The following CAMK2D variants were observed in gnomAD, a reference collection of about 807,000 sequenced individuals.
CAMK2D encodes calcium/calmodulin dependent protein kinase II delta.
A neutral mutation model predicts 84.0 loss-of-function variants in CAMK2D; 37 were observed. The ratio of observed to expected loss-of-function variants is 0.44; its 90% CI spans 0.34 to 0.58. The LOEUF is 0.58. CAMK2D is among the 20% of genes least tolerant of loss of function. CAMK2D has a pLI of 0.02. For missense variants in CAMK2D, 448 were observed against 652.5 expected, an observed-to-expected ratio of 0.69 and a Z score of 3.41; for synonymous variants, 202 against 212.5, an observed-to-expected ratio of 0.95 and a Z score of 0.43.
At chr4:113,588,457 A>G (rs187806362) in intron 4 of CAMK2D, among the ~76,000 whole-genome samples, 1 of 152,278 alleles carries the variant, frequency 6.6e-6, no homozygotes, top group Non-Finnish European at 1.5e-5. Flanking sequence ...TTCATTTCTT[A>G]AAACGTATCA....
In CAMK2D at chr4:113,533,903, TA is replaced by T. The variant is rs147698797; in HGVS notation, c.518-2605del. 1.2e-4 allele frequency among the ~76,000 whole-genome samples: 18 copies of T among 147,752 alleles called. No homozygotes were observed. In the East Asian group the frequency reaches 1.4e-3, roughly 11 times the overall value. The stretch of plus-strand genomic sequence containing the variant: ...AAGTTGGGACTTGAAAAATGATAAT[TA>T]AAAAAAAAACAATAAACAGCTTCCA... On this transcript the variant is annotated intron_variant, in intron 7 of 20. Coordinates refer to ENST00000511664, the MANE Select transcript of CAMK2D (RefSeq NM_001321571.2).
At chr4:113,500,948 C>T (rs1402615114) in intron 15 of CAMK2D, among the ~76,000 whole-genome samples, 1 of 151,970 alleles carries the variant, frequency 6.6e-6, no homozygotes, top group Non-Finnish European at 1.5e-5. Flanking sequence ...ACCTTCTTTG[C>T]GTCAGGCACT....
chr4:113,548,048 C>T (rs2098596222), intron 5 of CAMK2D, among the ~76,000 whole-genome samples: 1 of 152,040 alleles, frequency 6.6e-6, no homozygotes, highest in Non-Finnish European at 1.5e-5. Context: ...TGTGGTGTTC[C>T]GCCTCCACCC....
At chr4:113,504,952 G>A (rs931484708) in intron 14 of CAMK2D, 24 bp downstream of exon 14, 1 of 1,408,104 alleles carries the variant, frequency 7.1e-7, no homozygotes, top group Non-Finnish European at 9.4e-7. Context: ...AACTTAAGAA[G>A]GGTTACAAAG....
At chr4:113,701,497 A>C (rs2099417332) in intron 2 of CAMK2D, among the ~76,000 whole-genome samples, 1 of 152,182 alleles carries the variant, frequency 6.6e-6, no homozygotes, top group South Asian at 2.1e-4. Flanking sequence ...AGGCCAAAGC[A>C]CTGGTCCAAG....
At chr4:113,737,320 T>C (rs1593880522) in intron 2 of CAMK2D, among the ~76,000 whole-genome samples, 2 of 152,040 alleles carry the variant, frequency 1.3e-5, no homozygotes, top group East Asian at 1.9e-4. Flanking sequence ...TAAAAAGAAA[T>C]AAAATTCTGA....
At chr4:113,485,173 A>T (rs1319652776) in intron 16 of CAMK2D, among the ~76,000 whole-genome samples, 1 of 152,186 alleles carries the variant, frequency 6.6e-6, no homozygotes, top group Non-Finnish European at 1.5e-5. Context: ...TAATCAGGAT[A>T]ATGTAAGGTA....
intron 8 of CAMK2D, among the ~76,000 whole-genome samples, chr4:113,528,188 A>G (rs2154180244): frequency 6.6e-6 from 1 of 152,330 alleles, no homozygotes; most frequent in South Asian, 2.1e-4. Flanking sequence ...TATAATGCAT[A>G]TATCAGTTAT....
At chr4:113,520,696 C>A (rs1043003531) in intron 8 of CAMK2D, among the ~76,000 whole-genome samples, 1 of 152,020 alleles carries the variant, frequency 6.6e-6, no homozygotes, top group African/African-American at 2.4e-5. Flanking sequence ...CACTAGCAGC[C>A]TTTTATGATT....
intron 2 of CAMK2D, among the ~76,000 whole-genome samples, chr4:113,758,011 A>C (rs530902793): frequency 1.3e-5 from 2 of 152,300 alleles, no homozygotes; most frequent in South Asian, 4.1e-4. Flanking sequence ...ACCACAGCCA[A>C]AAGTATCTAG....
chr4:113,530,311 TA>T (rs1215612722), intron 8 of CAMK2D, among the ~76,000 whole-genome samples: 3 of 152,208 alleles, frequency 2.0e-5, no homozygotes, highest in African/African-American at 7.2e-5. Flanking sequence ...TTTTATGAAA[TA>T]TTTTAAATAT....
At chr4:113,528,262 G>A (rs2098435589) in intron 8 of CAMK2D, among the ~76,000 whole-genome samples, 1 of 152,108 alleles carries the variant, frequency 6.6e-6, no homozygotes, top group South Asian at 2.1e-4. Flanking sequence ...ATCACTTACT[G>A]TATTTAAAAA....
rs1312008771 is a variant in CAMK2D at position 113,537,408 on chromosome 4, T to A, written c.450A>T (p.Gly150=). 1 of 1,612,506 alleles carries A rather than the reference T, an allele frequency of 6.2e-7. No individual in the cohort carries two copies. The highest frequency in any genetic ancestry group is 8.5e-7 in the Non-Finnish European group (1 of 1,178,856). Residue 150 remains glycine (G), a synonymous_variant, in exon 7 of 21, where the codon GGA becomes GGT. Transcript: ENST00000511664. The part of the protein sequence containing the change: ...ENLLLASKSK[G]AAVKLADFGL... ...CAAAGTCTGCCAATTTCACAGCTGC[T>A]CCCTTGGATTTGCTAGCTAAAAGCA...
At chr4:113,756,060 C>T (rs935790463) in intron 2 of CAMK2D, among the ~76,000 whole-genome samples, 1 of 151,896 alleles carries the variant, frequency 6.6e-6, no homozygotes, top group Non-Finnish European at 1.5e-5. Context: ...TCTATGCACG[C>T]ACATGCTAAC....
chr4:113,531,198 C>G lies in CAMK2D; in HGVS notation c.601+18G>C. The G allele has an allele frequency of 7.1e-7, 1 of 1,414,922 alleles. No homozygotes were observed. The highest frequency in any genetic ancestry group is 1.4e-5 in the African/African-American group (1 of 71,092). The allele number at this position is 1,414,922 out of a possible 1,614,324, so 87.6% of individuals were successfully genotyped here. A position where few individuals can be genotyped will look rare whatever the true frequency, so the allele number is the denominator to read the frequency against. ...CACTAGCTTATCACAAAATTTGCTT[C>G]AAAATATAATTGCTTACCACATGCC... is the stretch of plus-strand genomic sequence containing the variant. On this transcript the variant is annotated intron_variant, in intron 8 of 20. Transcript: ENST00000511664.
At chr4:113,526,450 A>C (rs927479109) in intron 8 of CAMK2D, among the ~76,000 whole-genome samples, 2 of 134,730 alleles carry the variant, frequency 1.5e-5, no homozygotes, top group African/African-American at 6.7e-5. Flanking sequence ...GTGTGCATGC[A>C]TGTATGCACA....
intron 2 of CAMK2D, among the ~76,000 whole-genome samples, chr4:113,663,206 A>G (rs557666859): frequency 7.9e-5 from 12 of 152,358 alleles, no homozygotes; most frequent in Admixed American, 2.0e-4. Context: ...ATTTAGAAGT[A>G]TGCAAGCAAA....
At chr4:113,687,242 A>G (rs1182570063) in intron 2 of CAMK2D, among the ~76,000 whole-genome samples, 1 of 152,250 alleles carries the variant, frequency 6.6e-6, no homozygotes, top group Non-Finnish European at 1.5e-5. Flanking sequence ...AAAAACACAT[A>G]TTGGAGTATG....
chr4:113,479,630 T>C (rs1433167862), intron 16 of CAMK2D, among the ~76,000 whole-genome samples: 1 of 152,242 alleles, frequency 6.6e-6, no homozygotes, highest in Non-Finnish European at 1.5e-5. Flanking sequence ...GTTTCGATTT[T>C]AAAGCAAAAA....
Sources: gnomAD v4.1 joint callset for allele counts (sites outside exome capture counted in the v4.1 genomes callset) on GRCh38, gnomAD v4.1.1 for gene constraint, MANE v1.5 for transcripts, NCBI Gene and HGNC (gene_info 2026-07-23, HGNC 2026-07-21) for gene names.